The following RGS6 variants were observed in gnomAD, a reference collection of about 807,000 sequenced individuals.
The protein encoded by RGS6 is regulator of G protein signaling 6.
RGS6 carries 30 observed loss-of-function variants against 78.5 expected under a neutral mutation model. The observed-to-expected ratio is 0.38, with a 90% CI of 0.29 to 0.52. RGS6 has a LOEUF of 0.52. Ranked by LOEUF, RGS6 falls within the 20% of genes least tolerant of loss-of-function variation. The probability of loss-of-function intolerance (pLI) is 0.85; values close to 1 mark genes in which losing one functional copy is unlikely to be tolerated. For missense variants in RGS6, 495 were observed against 609.7 expected (o/e 0.81, Z 1.98); for synonymous variants, 206 against 206.0 (o/e 1.00, Z 0.00).
the RGS6 span, among the ~76,000 whole-genome samples, chr14:72,585,597 C>A: frequency 6.6e-6 from 1 of 152,164 alleles, no homozygotes; most frequent in Admixed American, 6.5e-5. Flanking sequence ...CAAATGTTGA[C>A]CAGTCATTGG....
intron 3 of RGS6, among the ~76,000 whole-genome samples, chr14:72,411,456 G>A (rs936181127): frequency 6.6e-6 from 1 of 152,210 alleles, no homozygotes; most frequent in African/African-American, 2.4e-5. Context: ...TCAGCTTAAG[G>A]AGATTTGGAG....
At chr14:71,953,237 G>C (rs1426552413) in intron 1 of RGS6, among the ~76,000 whole-genome samples, 1 of 152,082 alleles carries the variant, frequency 6.6e-6, no homozygotes, top group Non-Finnish European at 1.5e-5. Context: ...GCCATCCTCT[G>C]AAAACCAAAG....
chr14:72,226,400 TCTATC>T (rs1291790196), intron 2 of RGS6, among the ~76,000 whole-genome samples: 1 of 152,226 alleles, frequency 6.6e-6, no homozygotes, highest in Non-Finnish European at 1.5e-5. Context: ...TATGATTTCT[TCTATC>T]TAACTAGCTA....
intron 2 of RGS6, among the ~76,000 whole-genome samples, chr14:71,997,227 T>A (rs955068820): frequency 6.6e-6 from 1 of 152,232 alleles, no homozygotes; most frequent in African/African-American, 2.4e-5. Flanking sequence ...TGCTCAGGCC[T>A]CCAGGGGATG....
intron 2 of RGS6, among the ~76,000 whole-genome samples, chr14:72,302,923 TC>T (rs1327313746): frequency 6.6e-6 from 1 of 152,168 alleles, no homozygotes; most frequent in Non-Finnish European, 1.5e-5. Context: ...TCTCACAAGA[TC>T]CGATGGTTTT....
At chr14:72,580,220 A>G in the RGS6 span, among the ~76,000 whole-genome samples, 1 of 151,650 alleles carries the variant, frequency 6.6e-6, no homozygotes. Flanking sequence ...ACCTTTCTCC[A>G]AGTTGCCAGC....
chr14:72,620,889 C>T, the RGS6 span, among the ~76,000 whole-genome samples: 1 of 152,172 alleles, frequency 6.6e-6, no homozygotes, highest in African/African-American at 2.4e-5. Context: ...GCCTGTAATC[C>T]CAGCACTTAG....
At chr14:72,096,790 T>A (rs557667346) in intron 2 of RGS6, among the ~76,000 whole-genome samples, 1 of 152,210 alleles carries the variant, frequency 6.6e-6, no homozygotes, top group South Asian at 2.1e-4. Context: ...GCATCCACTT[T>A]CCGTTGGTTG....
intron 2 of RGS6, among the ~76,000 whole-genome samples, chr14:72,082,443 A>G (rs1006700477): frequency 2.0e-4 from 31 of 152,034 alleles, no homozygotes; most frequent in African/African-American, 7.2e-4. Context: ...CAGGTAATTC[A>G]TTACTGGTGT....
At chr14:72,238,048 T>C (rs1026773589) in intron 2 of RGS6, among the ~76,000 whole-genome samples, 2 of 151,810 alleles carry the variant, frequency 1.3e-5, no homozygotes, top group East Asian at 1.9e-4. Context: ...TATTAAGCAG[T>C]GGGAGTGGCT....
At chr14:72,226,696 T>A (rs936589235) in intron 2 of RGS6, among the ~76,000 whole-genome samples, 4 of 152,188 alleles carry the variant, frequency 2.6e-5, no homozygotes, top group African/African-American at 9.7e-5. Context: ...CTTATACACT[T>A]TATTGATTGA....
intron 2 of RGS6, among the ~76,000 whole-genome samples, chr14:72,039,486 T>A (rs1439302964): frequency 6.6e-6 from 1 of 152,162 alleles, no homozygotes; most frequent in African/African-American, 2.4e-5. Context: ...TAAAATCTAT[T>A]TGTCTAATAT....
At chr14:72,207,808 T>C (rs2043059367) in intron 2 of RGS6, among the ~76,000 whole-genome samples, 1 of 152,216 alleles carries the variant, frequency 6.6e-6, no homozygotes, top group Non-Finnish European at 1.5e-5. Flanking sequence ...TCATTGTGTG[T>C]GAGAGACTTC....
chr14:72,539,789 G>T (rs1023131916), intron 16 of RGS6, among the ~76,000 whole-genome samples: 5 of 152,154 alleles, frequency 3.3e-5, no homozygotes, highest in Non-Finnish European at 7.4e-5. Flanking sequence ...CATGGCCCCC[G>T]GAGAAGCAAA....
intron 2 of RGS6, among the ~76,000 whole-genome samples, chr14:72,034,404 C>CTT (rs35821588): frequency 2.1e-5 from 3 of 144,620 alleles, no homozygotes; most frequent in African/African-American, 7.6e-5. Flanking sequence ...CTTTTCAGTG[C>CTT]TTTTTTTTTT....
chr14:72,476,734 T>A lies in RGS6; in HGVS notation c.694-8T>A. ...TGGATGATCCTCTGTGCTTGCTTCTTCTCCTAGTCCGTGTATGGCGTGACT... is the reference window on the plus strand; with the variant it reads ...TGGATGATCCTCTGTGCTTGCTTCTACTCCTAGTCCGTGTATGGCGTGACT... On this transcript the variant is annotated splice_region_variant and splice_polypyrimidine_tract_variant and intron_variant, in intron 10 of 17. Coordinates refer to ENST00000553525, the MANE Select transcript of RGS6 (RefSeq NM_001204424.2). 1 of 1,613,508 alleles carries A rather than the reference T, an allele frequency of 6.2e-7. No homozygotes were observed. Among genetic ancestry groups the A allele is most frequent in the Non-Finnish European group, 8.5e-7 (1 of 1,179,628 alleles).
At chr14:71,964,582 G>A (rs535747939) in intron 1 of RGS6, among the ~76,000 whole-genome samples, 190 bp from the exon 2 acceptor site, 2 of 152,222 alleles carry the variant, frequency 1.3e-5, no homozygotes, top group East Asian at 1.9e-4. Context: ...TCAATAACAT[G>A]TTGTTTGGGG....
intron 3 of RGS6, among the ~76,000 whole-genome samples, chr14:72,410,382 G>C (rs1185804622): frequency 3.3e-5 from 5 of 152,162 alleles, no homozygotes; most frequent in Non-Finnish European, 7.3e-5. Context: ...AGAAGTGTCT[G>C]TTCATATCCT....
chr14:72,329,266 A>G (rs775351024), intron 2 of RGS6, among the ~76,000 whole-genome samples: 14 of 152,288 alleles, frequency 9.2e-5, no homozygotes, highest in Non-Finnish European at 1.6e-4. Context: ...ATGCACATGC[A>G]TGAACACATG....
Sources: gnomAD v4.1 joint callset for allele counts (sites outside exome capture counted in the v4.1 genomes callset) on GRCh38, gnomAD v4.1.1 for gene constraint, MANE v1.5 for transcripts, NCBI Gene and HGNC (gene_info 2026-07-23, HGNC 2026-07-21) for gene names.